Variants in PLXNC1 observed in about 807,000 individuals in gnomAD.
The protein encoded by PLXNC1 is plexin-C1.
A neutral mutation model predicts 178.2 loss-of-function variants in PLXNC1; 75 were observed. The ratio of observed to expected loss-of-function variants is 0.42; its 90% CI spans 0.35 to 0.51. PLXNC1 has a LOEUF of 0.51. PLXNC1 is among the 20% of genes least tolerant of loss of function. The pLI, the probability that PLXNC1 is intolerant of heterozygous loss-of-function variation, is 0.02. For synonymous variants in PLXNC1, 790 were observed against 779.9 expected, an observed-to-expected ratio of 1.01 and a Z score of -0.22; for missense variants, 1,503 against 1,984.4, an observed-to-expected ratio of 0.76 and a Z score of 4.61.
chr12:94,193,030 A>G (rs1248077952), intron 4 of PLXNC1, among the ~76,000 whole-genome samples: 2 of 152,176 alleles, frequency 1.3e-5, no homozygotes, highest in Non-Finnish European at 2.9e-5. Context: ...GGAGGAAGGG[A>G]TATCTAATCT....
intron 4 of PLXNC1, among the ~76,000 whole-genome samples, chr12:94,208,787 G>C (rs753555154): frequency 2.3e-4 from 35 of 152,306 alleles, no homozygotes; most frequent in African/African-American, 8.2e-4. Flanking sequence ...TTGGTGCCCC[G>C]TCTGGTGAGG....
chr12:94,216,085 G>A (rs575075223), intron 5 of PLXNC1, among the ~76,000 whole-genome samples: 10 of 152,108 alleles, frequency 6.6e-5, no homozygotes, highest in Non-Finnish European at 1.0e-4. Flanking sequence ...GGCCAACCTG[G>A]TGAAACACTG....
intron 21 of PLXNC1, among the ~76,000 whole-genome samples, chr12:94,273,415 CTAAT>C (rs1965707007): frequency 6.6e-6 from 1 of 152,058 alleles, no homozygotes; most frequent in Non-Finnish European, 1.5e-5. Context: ...GCTCACCAGT[CTAAT>C]TAGAGACTGG....
intron 4 of PLXNC1, chr12:94,186,726 C>T (rs1056916651): frequency 5.0e-6 from 2 of 397,692 alleles, no homozygotes; most frequent in East Asian, 4.4e-5. Flanking sequence ...TTCAGGAGAA[C>T]GGGAGAGAGC....
intron 4 of PLXNC1, among the ~76,000 whole-genome samples, chr12:94,194,598 A>G (rs1471333924): frequency 6.6e-6 from 1 of 152,182 alleles, no homozygotes; most frequent in Non-Finnish European, 1.5e-5. Flanking sequence ...TACAAAAAAT[A>G]CAAAAATTAG....
intron 12 of PLXNC1, among the ~76,000 whole-genome samples, chr12:94,247,594 A>G (rs1964564371): frequency 6.6e-6 from 1 of 152,076 alleles, no homozygotes; most frequent in African/African-American, 2.4e-5. Flanking sequence ...CTCTTTTCCC[A>G]TGGCATAACC....
intron 26 of PLXNC1, 55 bp downstream of exon 26, chr12:94,297,478 T>A: frequency 2.6e-6 from 3 of 1,176,100 alleles, no homozygotes; most frequent in Non-Finnish European, 3.8e-6. Context: ...GTATGATATG[T>A]TTGACTTAAT....
chr12:94,162,847 T>G (rs946149878), intron 1 of PLXNC1, among the ~76,000 whole-genome samples: 8 of 152,124 alleles, frequency 5.3e-5, no homozygotes, highest in African/African-American at 1.9e-4. Context: ...ATTTCAGTGG[T>G]TCTTAACAGG....
intron 15 of PLXNC1, among the ~76,000 whole-genome samples, chr12:94,252,865 T>C (rs1964735623): frequency 6.6e-6 from 1 of 152,180 alleles, no homozygotes; most frequent in South Asian, 2.1e-4. Context: ...TGCTTGTCAT[T>C]TGAAGTCTAT....
In PLXNC1 at chr12:94,305,346, T is replaced by C; in HGVS notation, c.*61T>C. 1 of 920,098 alleles carries C rather than the reference T, an allele frequency of 1.1e-6. No individual in the cohort carries two copies. The allele number at this position is 920,098 out of a possible 1,614,324, so 57.0% of individuals were successfully genotyped here. A position where few individuals can be genotyped will look rare whatever the true frequency, so the allele number is the denominator to read the frequency against. On this transcript the variant is annotated 3_prime_UTR_variant, in exon 31 of 31. Coordinates refer to ENST00000258526, the MANE Select transcript of PLXNC1 (RefSeq NM_005761.3). ...TCAGACGACTTGGGAGCAAAATGGCTGCTTGAGCTACTCTGTGTCGTTAAT... is the reference window on the plus strand; with the variant it reads ...TCAGACGACTTGGGAGCAAAATGGCCGCTTGAGCTACTCTGTGTCGTTAAT...
At chr12:94,181,610 A>C in intron 3 of PLXNC1, 30 bp downstream of exon 3, 1 of 1,556,922 alleles carries the variant, frequency 6.4e-7, no homozygotes, top group Non-Finnish European at 8.8e-7. Context: ...ATTGCTTCTG[A>C]TTTATGAATA....
At chr12:94,245,090 A>G (rs938103959) in intron 12 of PLXNC1, among the ~76,000 whole-genome samples, 2 of 152,194 alleles carry the variant, frequency 1.3e-5, no homozygotes, top group African/African-American at 4.8e-5. Context: ...TGGTGCACAC[A>G]TTCACCTGCT....
chr12:94,221,109 G>C (rs1963785078), intron 6 of PLXNC1, among the ~76,000 whole-genome samples: 1 of 152,254 alleles, frequency 6.6e-6, no homozygotes, highest in South Asian at 2.1e-4. Flanking sequence ...TTACAGAAAG[G>C]TTCCATTGTG....
chr12:94,151,773 G>C (rs958907962), intron 1 of PLXNC1, among the ~76,000 whole-genome samples: 1 of 152,238 alleles, frequency 6.6e-6, no homozygotes, highest in African/African-American at 2.4e-5. Flanking sequence ...TCTTGACTGC[G>C]TCTCTCTACC....
intron 10 of PLXNC1, among the ~76,000 whole-genome samples, chr12:94,240,119 A>G (rs968879860): frequency 1.3e-5 from 2 of 152,136 alleles, no homozygotes; most frequent in African/African-American, 4.8e-5. Context: ...CCTCTCTAAC[A>G]GATAAGCCAT....
At chr12:94,167,092 A>G (rs573509039) in intron 1 of PLXNC1, among the ~76,000 whole-genome samples, 1 of 152,272 alleles carries the variant, frequency 6.6e-6, no homozygotes, top group East Asian at 1.9e-4. Flanking sequence ...GAAATCAGAG[A>G]AGGACACCGG....
intron 26 of PLXNC1, among the ~76,000 whole-genome samples, chr12:94,297,859 A>G (rs376311820): frequency 1.3e-5 from 2 of 152,364 alleles, no homozygotes; most frequent in African/African-American, 2.4e-5. Context: ...TTTAAAATTA[A>G]GAATTCTGCT....
In PLXNC1 at chr12:94,185,479, A is replaced by C. The variant is rs117804955; in HGVS notation, c.1339-894A>C. Among the ~76,000 whole-genome samples the C allele has an allele frequency of 4.1e-3, 618 of 152,322 alleles. 4 individuals carry two copies. Among genetic ancestry groups the C allele is most frequent in the Middle Eastern group, 0.014 (4 of 294 alleles). ...GCAGAAAGTGCTCTGTGTGATGCTC[A>C]GTTACTCCCTGCCTCTCACCGCCCT... is the stretch of plus-strand genomic sequence containing the variant. On this transcript the variant is annotated intron_variant, in intron 3 of 30. Transcript: ENST00000258526.
intron 2 of PLXNC1, among the ~76,000 whole-genome samples, chr12:94,173,027 C>T (rs1961904384): frequency 2.0e-5 from 3 of 152,130 alleles, no homozygotes; most frequent in African/African-American, 2.4e-5. Context: ...GTCCCATGGT[C>T]GTGAGGTGAG....
Sources: gnomAD v4.1 joint callset for allele counts (sites outside exome capture counted in the v4.1 genomes callset) on GRCh38, gnomAD v4.1.1 for gene constraint, MANE v1.5 for transcripts, NCBI Gene and HGNC (gene_info 2026-07-23, HGNC 2026-07-21) for gene names.